The following THSD7A variants were observed in gnomAD, a reference collection of about 807,000 sequenced individuals.
THSD7A encodes thrombospondin type-1 domain-containing protein 7A.
Under a neutral mutation model 231.3 loss-of-function variants are expected in THSD7A, and 96 were observed. That is an observed-to-expected ratio of 0.41 (90% CI 0.35 to 0.49). The LOEUF is 0.49. Among genes scored for constraint, THSD7A ranks in the 20% least tolerant of loss-of-function variants. The pLI, the probability that THSD7A is intolerant of heterozygous loss-of-function variation, is 0.05. For missense variants in THSD7A, 2,290 were observed against 2,070.2 expected (o/e 1.11, Z -2.06); for synonymous variants, 940 against 743.3 (o/e 1.26, Z -4.30).
intron 1 of THSD7A, among the ~76,000 whole-genome samples, chr7:11,776,317 T>C (rs549849786): frequency 2.0e-5 from 3 of 152,314 alleles, no homozygotes; most frequent in African/African-American, 7.2e-5. Flanking sequence ...AGAGACTGCA[T>C]CTGCATATGA....
intron 9 of THSD7A, among the ~76,000 whole-genome samples, chr7:11,468,600 G>A (rs1298589957): frequency 6.6e-6 from 1 of 152,142 alleles, no homozygotes; most frequent in Non-Finnish European, 1.5e-5. Context: ...TTGGGAGGCT[G>A]AGATGGGTGG....
At chr7:11,508,582 C>T (rs1175791554) in intron 6 of THSD7A, among the ~76,000 whole-genome samples, 1 of 152,158 alleles carries the variant, frequency 6.6e-6, no homozygotes, top group Non-Finnish European at 1.5e-5. Flanking sequence ...GATGCTGTAA[C>T]CCCATTTCTG....
chr7:11,485,902 T>C (rs17556497), intron 6 of THSD7A, among the ~76,000 whole-genome samples: 20,446 of 152,274 alleles, frequency 0.13, 1,536 homozygotes, highest in Middle Eastern at 0.19. Context: ...AACTGATCTA[T>C]GAGAATATGG....
intron 1 of THSD7A, among the ~76,000 whole-genome samples, chr7:11,735,457 C>G (rs1562516234): frequency 6.6e-6 from 1 of 151,902 alleles, no homozygotes; most frequent in Non-Finnish European, 1.5e-5. Context: ...TATTTGAAAT[C>G]TTGCATAAAA....
chr7:11,517,883 C>T (rs1279008935), intron 6 of THSD7A, among the ~76,000 whole-genome samples: 1 of 152,174 alleles, frequency 6.6e-6, no homozygotes, highest in Non-Finnish European at 1.5e-5. Context: ...TTCAAATTTA[C>T]AAATCTTTCC....
intron 1 of THSD7A, among the ~76,000 whole-genome samples, chr7:11,760,578 G>A (rs1782822348): frequency 6.6e-6 from 1 of 152,030 alleles, no homozygotes; most frequent in Non-Finnish European, 1.5e-5. Flanking sequence ...CAGAACACCA[G>A]CCTCACAGGA....
Position 11,541,107 on chromosome 7 carries a change from C to A in THSD7A, c.1822+312G>T, listed in dbSNP as rs569484696. Among the ~76,000 whole-genome samples the A allele has an allele frequency of 2.6e-5, 4 of 152,066 alleles. No homozygotes were observed. In the South Asian group the frequency reaches 8.3e-4, roughly 32 times the overall value. ...TTAAAAAAGTCACTTAAAAAAGTTA[C>A]CTTTACTTGTTATTGTTAAATTTGG... On this transcript the variant is annotated intron_variant, in intron 6 of 27. Transcript: ENST00000423059.
intron 2 of THSD7A, among the ~76,000 whole-genome samples, chr7:11,598,247 C>G (rs1474534249): frequency 6.6e-6 from 1 of 152,104 alleles, no homozygotes; most frequent in Non-Finnish European, 1.5e-5. Context: ...AAATTGGTGA[C>G]AAAGAAATTT....
chr7:11,688,882 T>C (rs1461960206), intron 1 of THSD7A, among the ~76,000 whole-genome samples: 2 of 151,804 alleles, frequency 1.3e-5, no homozygotes, highest in Non-Finnish European at 2.9e-5. Context: ...GTAAAGTAAG[T>C]AAAATTTAAA....
At position 11,541,831 on chromosome 7, in the gene THSD7A, G is replaced by A. The variant is rs76069989; in HGVS notation, c.1610-200C>T. On this transcript the variant is annotated intron_variant, in intron 5 of 27. Coordinates refer to ENST00000423059, the MANE Select transcript of THSD7A (RefSeq NM_015204.3). ...TAAATGAGTGAGTGGATTAACGAATGGAATGAAAAAAAATGAGAACCTTTG... is the reference window on the plus strand; with the variant it reads ...TAAATGAGTGAGTGGATTAACGAATAGAATGAAAAAAAATGAGAACCTTTG... Among the ~76,000 whole-genome samples the A allele has an allele frequency of 7.4e-3, 1,120 of 151,980 alleles. 18 individuals carry two copies. The highest frequency in any genetic ancestry group is 0.072 in the Middle Eastern group (21 of 292).
chr7:11,812,859 G>A (rs1784573183), intron 1 of THSD7A, among the ~76,000 whole-genome samples: 1 of 152,160 alleles, frequency 6.6e-6, no homozygotes, highest in South Asian at 2.1e-4. Flanking sequence ...TAAACTAAGA[G>A]TGTGGTTTGG....
In THSD7A at chr7:11,700,516, A is replaced by G. The variant is rs191554813; in HGVS notation, c.191-63555T>C. ...ATATATTGACTCCAGTGAAAAAAAT[A>G]CTTAATATATAACAAAATGACAGGA... On this transcript the variant is annotated intron_variant, in intron 1 of 27. Coordinates refer to ENST00000423059, the MANE Select transcript of THSD7A (RefSeq NM_015204.3). Among the ~76,000 whole-genome samples, 45 of 151,408 alleles carry G rather than the reference A, an allele frequency of 3.0e-4. 1 individual carries two copies. The East Asian group carries it at 8.2e-3, about 28-fold the overall frequency.
chr7:11,697,639 T>C (rs1780443606), intron 1 of THSD7A, among the ~76,000 whole-genome samples: 1 of 151,464 alleles, frequency 6.6e-6, no homozygotes, highest in South Asian at 2.1e-4. Context: ...ATAATAATCA[T>C]TGATATTTTA....
chr7:11,745,968 T>C (rs1031521666), intron 1 of THSD7A, among the ~76,000 whole-genome samples: 4 of 150,352 alleles, frequency 2.7e-5, no homozygotes, highest in East Asian at 2.0e-4. Context: ...GTAGTTTTTT[T>C]CAATTCTGTG....
chr7:11,769,028 G>A (rs1783120377), intron 1 of THSD7A, among the ~76,000 whole-genome samples: 1 of 144,886 alleles, frequency 6.9e-6, no homozygotes, highest in African/African-American at 2.5e-5. Context: ...TGCGATCTCG[G>A]CTCACTGCAA....
intron 6 of THSD7A, among the ~76,000 whole-genome samples, chr7:11,536,792 T>C (rs1383451564): frequency 6.6e-6 from 1 of 152,196 alleles, no homozygotes; most frequent in African/African-American, 2.4e-5. Context: ...TCAGTCAAAA[T>C]ATTAGTCTCA....
At chr7:11,629,870 G>T (rs1298247937) in intron 2 of THSD7A, among the ~76,000 whole-genome samples, 3 of 152,292 alleles carry the variant, frequency 2.0e-5, no homozygotes, top group Middle Eastern at 6.8e-3. Flanking sequence ...AATCACAAAA[G>T]TTGAAAGGCT....
At chr7:11,820,559 A>G in intron 1 of THSD7A, 2 of 708,524 alleles carry the variant, frequency 2.8e-6, no homozygotes, top group East Asian at 2.6e-5. Context: ...AATCATTGTT[A>G]CTCTTGTTAT....
At chr7:11,692,689 A>G (rs892165529) in intron 1 of THSD7A, among the ~76,000 whole-genome samples, 10 of 151,584 alleles carry the variant, frequency 6.6e-5, no homozygotes, top group Non-Finnish European at 1.3e-4. Context: ...ATTGCTGTGA[A>G]TTAGTTTAAA....
Sources: gnomAD v4.1 joint callset for allele counts (sites outside exome capture counted in the v4.1 genomes callset) on GRCh38, gnomAD v4.1.1 for gene constraint, MANE v1.5 for transcripts, NCBI Gene and HGNC (gene_info 2026-07-23, HGNC 2026-07-21) for gene names.